PDE4B: variants seen among roughly 807,000 people sequenced by gnomAD.
PDE4B encodes 3',5'-cyclic-AMP phosphodiesterase 4B.
In PDE4B, 20 loss-of-function variants were observed where a neutral mutation model predicts 82.2. That is an observed-to-expected ratio of 0.24 (90% CI 0.17 to 0.35). PDE4B has a LOEUF of 0.35. Ranked by LOEUF, PDE4B falls within the 10% of genes least tolerant of loss-of-function variation. The probability of loss-of-function intolerance (pLI) is 1.00; values close to 1 mark genes in which losing one functional copy is unlikely to be tolerated. For synonymous variants in PDE4B, 320 were observed against 318.9 expected (o/e 1.00, Z -0.04); for missense variants, 655 against 907.2 (o/e 0.72, Z 3.57).
intron 7 of PDE4B, among the ~76,000 whole-genome samples, chr1:66,317,337 G>A (rs548571265): frequency 6.6e-6 from 1 of 152,186 alleles, no homozygotes; most frequent in African/African-American, 2.4e-5. Flanking sequence ...CACCACCTCT[G>A]CTGCACCAAA....
At chr1:66,180,518 G>T (rs142865260) in intron 3 of PDE4B, among the ~76,000 whole-genome samples, 5 of 152,296 alleles carry the variant, frequency 3.3e-5, no homozygotes, top group African/African-American at 1.2e-4. Flanking sequence ...GAACTGTTCA[G>T]AAGGCTGTAG....
chr1:65,795,999 T>G (rs1645627964), intron 1 of PDE4B, among the ~76,000 whole-genome samples: 1 of 152,248 alleles, frequency 6.6e-6, no homozygotes. Context: ...GAATTTATAG[T>G]TGACAGTTTC....
intron 3 of PDE4B, among the ~76,000 whole-genome samples, chr1:66,240,474 C>T (rs114084641): frequency 0.02 from 3,031 of 152,224 alleles, 40 homozygotes; most frequent in Middle Eastern, 0.058. Context: ...TGGTGTTTCC[C>T]GGTGAAGTGC....
intron 3 of PDE4B, among the ~76,000 whole-genome samples, chr1:66,199,724 A>T (rs1648705225): frequency 6.6e-6 from 1 of 152,198 alleles, no homozygotes. Flanking sequence ...ACAAATATCT[A>T]CACCTTCCAG....
intron 1 of PDE4B, among the ~76,000 whole-genome samples, chr1:65,902,145 G>A (rs546544031): frequency 1.3e-5 from 2 of 152,182 alleles, no homozygotes; most frequent in Non-Finnish European, 2.9e-5. Context: ...TGTGGACTGA[G>A]AGTATGGTGG....
intron 3 of PDE4B, among the ~76,000 whole-genome samples, chr1:65,926,953 G>C (rs573832197): frequency 6.6e-6 from 1 of 152,166 alleles, no homozygotes; most frequent in South Asian, 2.1e-4. Flanking sequence ...GAAGAGAGTG[G>C]AGTACATTAT....
At chr1:66,054,571 A>G (rs1310485647) in intron 3 of PDE4B, among the ~76,000 whole-genome samples, 3 of 152,112 alleles carry the variant, frequency 2.0e-5, no homozygotes, top group Non-Finnish European at 2.9e-5. Context: ...TCATTTGACA[A>G]TTGGCTGTTT....
intron 16 of PDE4B, among the ~76,000 whole-genome samples, chr1:66,369,896 C>T (rs930479089): frequency 1.3e-5 from 2 of 151,852 alleles, no homozygotes; most frequent in African/African-American, 2.4e-5. Flanking sequence ...TGCCTGTAAT[C>T]CAGCACTTTG....
At chr1:66,276,854 A>G (rs1329572335) in intron 7 of PDE4B, among the ~76,000 whole-genome samples, 2 of 152,152 alleles carry the variant, frequency 1.3e-5, no homozygotes, top group Non-Finnish European at 2.9e-5. Context: ...TCACTTTTTC[A>G]CCTGTAAAAA....
chr1:66,312,596 C>T (rs761175343), intron 7 of PDE4B, among the ~76,000 whole-genome samples: 38 of 152,220 alleles, frequency 2.5e-4, no homozygotes, highest in Non-Finnish European at 5.3e-4. Flanking sequence ...ACCTCACTAG[C>T]AAACTTAACT....
chr1:65,987,701 T>C (rs59255680), intron 3 of PDE4B, among the ~76,000 whole-genome samples: 42,986 of 152,042 alleles, frequency 0.28, 6,255 homozygotes, highest in East Asian at 0.45. Flanking sequence ...CAACCTCCAC[T>C]TCCTGGGTTC....
intron 3 of PDE4B, among the ~76,000 whole-genome samples, chr1:66,035,081 C>G (rs141888027): frequency 1.1e-4 from 16 of 152,340 alleles, no homozygotes; most frequent in Admixed American, 2.0e-4. Flanking sequence ...TACTTATCTG[C>G]AATCCATTAC....
intron 3 of PDE4B, among the ~76,000 whole-genome samples, chr1:66,132,762 CA>C (rs1478174220): frequency 1.3e-5 from 2 of 152,124 alleles, no homozygotes; most frequent in Non-Finnish European, 2.9e-5. Context: ...TCACACAGAG[CA>C]ACTTTTGATG....
chr1:65,969,050 G>A (rs1649995741), intron 3 of PDE4B, among the ~76,000 whole-genome samples: 1 of 152,062 alleles, frequency 6.6e-6, no homozygotes, highest in South Asian at 2.1e-4. Flanking sequence ...AATTTTACCT[G>A]AGAAACACCG....
intron 1 of PDE4B, among the ~76,000 whole-genome samples, chr1:65,852,483 G>A (rs1482470059): frequency 6.6e-6 from 1 of 151,164 alleles, no homozygotes; most frequent in Non-Finnish European, 1.5e-5. Context: ...CTTCTATCTA[G>A]TTGAGCTTAC....
At chr1:66,065,410 T>A (rs1051891790) in intron 3 of PDE4B, among the ~76,000 whole-genome samples, 1 of 152,068 alleles carries the variant, frequency 6.6e-6, no homozygotes, top group South Asian at 2.1e-4. Context: ...TGTATTTCAA[T>A]TTAGAATAAC....
At chr1:66,292,732 A>G (rs558399396) in intron 7 of PDE4B, among the ~76,000 whole-genome samples, 1 of 152,226 alleles carries the variant, frequency 6.6e-6, no homozygotes, top group South Asian at 2.1e-4. Flanking sequence ...TTATTGTTTT[A>G]ACTCTCCAAA....
intron 1 of PDE4B, among the ~76,000 whole-genome samples, chr1:65,801,090 C>T (rs1645689629): frequency 1.3e-5 from 2 of 152,180 alleles, no homozygotes; most frequent in South Asian, 2.1e-4. Flanking sequence ...CTTCCCTTCT[C>T]GAACAAAGCT....
At chr1:66,129,659 C>CAAAAAAA (rs59846345) in intron 3 of PDE4B, among the ~76,000 whole-genome samples, 8 of 94,770 alleles carry the variant, frequency 8.4e-5, no homozygotes, top group African/African-American at 3.7e-4. Context: ...GACTCCGTCT[C>CAAAAAAA]AAAAAAAAAA....
Sources: gnomAD v4.1 joint callset for allele counts (sites outside exome capture counted in the v4.1 genomes callset) on GRCh38, gnomAD v4.1.1 for gene constraint, MANE v1.5 for transcripts, NCBI Gene and HGNC (gene_info 2026-07-23, HGNC 2026-07-21) for gene names.